The following MAST4 variants were observed in gnomAD, a reference collection of about 807,000 sequenced individuals.
The protein encoded by MAST4 is microtubule-associated serine/threonine-protein kinase 4.
MAST4 carries 89 observed loss-of-function variants against 162.7 expected under a neutral mutation model. The ratio of observed to expected loss-of-function variants is 0.55; its 90% CI spans 0.46 to 0.65. MAST4 has a LOEUF of 0.65. Among genes scored for constraint, MAST4 ranks in the 30% least tolerant of loss-of-function variants. The pLI, the probability that MAST4 is intolerant of heterozygous loss-of-function variation, is 0.00. For synonymous variants in MAST4, 1,479 were observed against 1,361.1 expected, an observed-to-expected ratio of 1.09 and a Z score of -1.91; for missense variants, 3,153 against 3,374.0, an observed-to-expected ratio of 0.93 and a Z score of 1.62.
At chr5:66,667,595 C>T (rs1463043296) in intron 1 of MAST4, among the ~76,000 whole-genome samples, 1 of 152,180 alleles carries the variant, frequency 6.6e-6, no homozygotes, top group East Asian at 1.9e-4. Flanking sequence ...AGTTGGTCGC[C>T]AATTCTCACC....
rs183132085 is a variant in MAST4 at position 66,896,007 on chromosome 5, C to T, written c.643-3944C>T. Among the ~76,000 whole-genome samples the T allele has an allele frequency of 1.6e-4, 24 of 152,244 alleles. No homozygotes were observed. The East Asian group carries it at 2.9e-3, about 18-fold the overall frequency. On this transcript the variant is annotated intron_variant, in intron 3 of 28. Transcript: ENST00000403625. ...TGGTACATTGTTATCATCTAAAGTA[C>T]AAACTTTATTTAGATATCACCAAGT...
chr5:66,832,452 T>G (rs1440448720), intron 3 of MAST4, among the ~76,000 whole-genome samples: 1 of 151,672 alleles, frequency 6.6e-6, no homozygotes, highest in Non-Finnish European at 1.5e-5. Context: ...CCTTCCCACC[T>G]TATTTAAAAC....
At chr5:66,964,534 G>T (rs1561485181) in intron 4 of MAST4, among the ~76,000 whole-genome samples, 2 of 151,916 alleles carry the variant, frequency 1.3e-5, no homozygotes, top group Admixed American at 6.5e-5. Context: ...GGGCACGGTG[G>T]CTCATGCCTG....
chr5:66,955,311 A>G (rs925975231), intron 4 of MAST4, among the ~76,000 whole-genome samples: 4 of 151,992 alleles, frequency 2.6e-5, no homozygotes, highest in East Asian at 1.9e-4. Context: ...ATGTTTGGAC[A>G]TGTCAGGGGA....
intron 3 of MAST4, among the ~76,000 whole-genome samples, chr5:66,874,273 C>A (rs1309799377): frequency 6.6e-6 from 1 of 152,056 alleles, no homozygotes; most frequent in African/African-American, 2.4e-5. Flanking sequence ...GTTCAAAGAC[C>A]ATGGAGCAGT....
chr5:67,104,386 A>C lies in MAST4; in HGVS notation c.1167A>C (p.Glu389Asp), dbSNP rs774985199. The C allele has an allele frequency of 2.5e-6, 4 of 1,613,654 alleles. No homozygotes were observed. The Admixed American group carries it at 6.7e-5, about 27-fold the overall frequency. Residue 389 changes from glutamate (E) to aspartate (D), a missense_variant, in exon 10 of 29, where the codon GAA becomes GAC. Around this residue, in one of 7 missense-constraint regions of MAST4, gnomAD observed 360 missense variants for 450.0 expected, o/e 0.80. Transcript: ENST00000403625. ...RFPKATAQME[E>D]RLKEIITSYS... is the part of the protein sequence containing the mutation. ...TATAGGCTACAGCTCAGATGGAAGA[A>C]CGTCTAAAGGAAATTATCACCAGCT...
chr5:66,750,048 A>G (rs760292299), intron 1 of MAST4, among the ~76,000 whole-genome samples: 21 of 152,304 alleles, frequency 1.4e-4, no homozygotes, highest in Admixed American at 5.2e-4. Flanking sequence ...CAGTTTTATA[A>G]TCTATTTTCA....
intron 5 of MAST4, among the ~76,000 whole-genome samples, chr5:67,058,864 GA>G (rs1330439769): frequency 6.6e-6 from 1 of 152,198 alleles, no homozygotes; most frequent in East Asian, 1.9e-4. Flanking sequence ...AAACCCATAA[GA>G]AAACAACATA....
chr5:66,950,067 T>G (rs927287226), intron 4 of MAST4, among the ~76,000 whole-genome samples: 1 of 152,048 alleles, frequency 6.6e-6, no homozygotes, highest in Non-Finnish European at 1.5e-5. Context: ...GATTCTTGCC[T>G]TAGAACTCCC....
chr5:67,093,281 T>C (rs1581532115), intron 6 of MAST4, among the ~76,000 whole-genome samples: 1 of 152,202 alleles, frequency 6.6e-6, no homozygotes. Flanking sequence ...AAGACTCTTT[T>C]CAAAAAAGGC....
At chr5:67,067,420 C>T (rs959669977) in intron 5 of MAST4, among the ~76,000 whole-genome samples, 2 of 152,152 alleles carry the variant, frequency 1.3e-5, no homozygotes, top group Non-Finnish European at 2.9e-5. Flanking sequence ...TTATAAAGTA[C>T]AACAACAGTG....
intron 2 of MAST4, among the ~76,000 whole-genome samples, chr5:66,771,210 A>C (rs1754342860): frequency 6.6e-6 from 1 of 150,986 alleles, no homozygotes; most frequent in Non-Finnish European, 1.5e-5. Flanking sequence ...TTTGAGACGG[A>C]GTCTCACTCT....
intron 3 of MAST4, among the ~76,000 whole-genome samples, chr5:66,886,444 A>G (rs1762044049): frequency 6.6e-6 from 1 of 152,072 alleles, no homozygotes; most frequent in African/African-American, 2.4e-5. Context: ...TAGGCTGCCT[A>G]AAACTTTGTG....
chr5:66,776,930 C>T (rs1754630958), intron 2 of MAST4, among the ~76,000 whole-genome samples: 1 of 152,166 alleles, frequency 6.6e-6, no homozygotes, highest in African/African-American at 2.4e-5. Context: ...GCACTGAATC[C>T]TGCTTGTGGA....
intron 3 of MAST4, among the ~76,000 whole-genome samples, chr5:66,855,768 T>C (rs1170894433): frequency 6.6e-6 from 1 of 152,182 alleles, no homozygotes; most frequent in African/African-American, 2.4e-5. Flanking sequence ...TGATGGTTGT[T>C]CTCCCAGGGG....
At position 66,732,309 on chromosome 5, in the gene MAST4, C is replaced by G. The variant is rs1751903420; in HGVS notation, c.364-27400C>G. 2.6e-5 allele frequency among the ~76,000 whole-genome samples: 4 copies of G among 152,074 alleles called. 1 individual carries two copies. Among genetic ancestry groups the G allele is most frequent in the Admixed American group, 2.6e-4 (4 of 15,268 alleles). The stretch of plus-strand genomic sequence containing the variant: ...TCTTCCACCTTCTCCATCTCTCCCC[C>G]AAGCCTCATTTTCTGGCCCCATTCA... On this transcript the variant is annotated intron_variant, in intron 1 of 28. Coordinates refer to ENST00000403625, the MANE Select transcript of MAST4 (RefSeq NM_001164664.2).
intron 1 of MAST4, among the ~76,000 whole-genome samples, chr5:66,640,956 T>A (rs1371678758): frequency 6.6e-6 from 1 of 152,188 alleles, no homozygotes; most frequent in African/African-American, 2.4e-5. Flanking sequence ...TGATTTACAT[T>A]TTGCTGATTA....
At chr5:67,070,995 T>C (rs1051205025) in intron 5 of MAST4, among the ~76,000 whole-genome samples, 1 of 152,204 alleles carries the variant, frequency 6.6e-6, no homozygotes, top group African/African-American at 2.4e-5. Context: ...CTTTCCAGTA[T>C]TAAACATCCC....
At chr5:66,811,869 A>AG (rs1187914027) in intron 3 of MAST4, among the ~76,000 whole-genome samples, 6 of 152,246 alleles carry the variant, frequency 3.9e-5, no homozygotes, top group Non-Finnish European at 7.3e-5. Flanking sequence ...TTGCAAATGC[A>AG]GTAGGGGTGG....
Sources: gnomAD v4.1 joint callset for allele counts (sites outside exome capture counted in the v4.1 genomes callset) on GRCh38, gnomAD v4.1.1 for gene constraint, gnomAD v4.1.1 regional missense constraint, MANE v1.5 for transcripts, NCBI Gene and HGNC (gene_info 2026-07-23, HGNC 2026-07-21) for gene names.